The following NPEPPS variants were observed in gnomAD, a reference collection of about 807,000 sequenced individuals.
NPEPPS encodes the protein aminopeptidase puromycin sensitive, also known as puromycin-sensitive aminopeptidase.
In NPEPPS, 14 loss-of-function variants were observed where a neutral mutation model predicts 115.5. The observed-to-expected ratio is 0.12, with a 90% confidence interval of 0.08 to 0.19. The LOEUF is 0.19. Ranked by LOEUF, NPEPPS falls within the 10% of genes least tolerant of loss-of-function variation. NPEPPS has a pLI of 1.00. For synonymous variants in NPEPPS, 285 were observed against 390.6 expected (o/e 0.73, Z 3.19); for missense variants, 523 against 1,110.8 (o/e 0.47, Z 7.52).
At chr17:47,597,094 C>G (rs946954780) in intron 13 of NPEPPS, among the ~76,000 whole-genome samples, 4 of 151,230 alleles carry the variant, frequency 2.6e-5, no homozygotes, top group African/African-American at 9.7e-5. Context: ...ACTACATAAA[C>G]AGAATCAAAT....
rs190795420 is a variant in NPEPPS, at chr17:47,596,429, G to C, written c.1503G>C (p.Met501Ile). The C allele has an allele frequency of 4.1e-5, 65 of 1,592,058 alleles. 1 individual carries two copies. The African/African-American group carries it at 6.8e-4, about 17-fold the overall frequency. ...AAVMNTWTKQ[M>I]GFPLIYVEAE... The stretch of plus-strand genomic sequence containing the variant: ...TGATGAATACCTGGACCAAACAAAT[G>C]GGATTTCCCCTCATTTATGTGGAAG... The change falls in exon 13 of 23, where the codon ATG becomes ATC. Residue 501 changes from methionine to isoleucine, a missense_variant. By Grantham distance (10) the Met-to-Ile change is conservative. Around this residue, in one of 4 missense-constraint regions of NPEPPS, gnomAD observed 372 missense variants for 542.6 expected, o/e 0.69. Coordinates refer to ENST00000322157, the MANE Select transcript of NPEPPS (RefSeq NM_006310.4).
intron 2 of NPEPPS, among the ~76,000 whole-genome samples, chr17:47,560,947 A>G (rs1910386237): frequency 6.6e-6 from 1 of 152,238 alleles, no homozygotes; most frequent in Non-Finnish European, 1.5e-5. Context: ...AGGAAAATAC[A>G]TTCTGAGTTT....
At chr17:47,608,754 G>A (rs1274485854) in intron 17 of NPEPPS, among the ~76,000 whole-genome samples, 1 of 152,080 alleles carries the variant, frequency 6.6e-6, no homozygotes, top group East Asian at 1.9e-4. Context: ...AGGAGAGCCA[G>A]GAGAGAGGGG....
At chr17:47,593,805 A>G (rs1204173504) in intron 12 of NPEPPS, among the ~76,000 whole-genome samples, 1 of 152,186 alleles carries the variant, frequency 6.6e-6, no homozygotes, top group Non-Finnish European at 1.5e-5. Flanking sequence ...TTATAACACA[A>G]TGGTATTTGT....
chr17:47,575,226 ACCCTGCTTTT>A (rs1911442202), intron 3 of NPEPPS, among the ~76,000 whole-genome samples: 1 of 152,182 alleles, frequency 6.6e-6, no homozygotes, highest in South Asian at 2.1e-4. Flanking sequence ...TCAAAACTAT[ACCCTGCTTTT>A]GTAAGCATTT....
intron 5 of NPEPPS, 60 bp from the exon 6 acceptor site, chr17:47,585,440 A>G: frequency 8.1e-7 from 1 of 1,235,582 alleles, no homozygotes; most frequent in Non-Finnish European, 1.2e-6. Flanking sequence ...TTTGGCTGGT[A>G]TTTGCTCTAT....
At chr17:47,612,181 T>C (rs78871622) in intron 17 of NPEPPS, among the ~76,000 whole-genome samples, 38 of 152,254 alleles carry the variant, frequency 2.5e-4, no homozygotes, top group Middle Eastern at 3.4e-3. Flanking sequence ...CTTAGCAGAG[T>C]AGTTAACTAG....
At chr17:47,589,514 C>T (rs993476930) in intron 9 of NPEPPS, among the ~76,000 whole-genome samples, 1 of 152,150 alleles carries the variant, frequency 6.6e-6, no homozygotes, top group Non-Finnish European at 1.5e-5. Flanking sequence ...ATCTTCCTGC[C>T]TTGACCTCCC....
At chr17:47,529,462 T>C (rs1907574520), upstream of NPEPPS, among the ~76,000 whole-genome samples, 1 of 148,514 alleles carries the variant, frequency 6.7e-6, no homozygotes, top group African/African-American at 2.5e-5. Context: ...TGGAGTGTAG[T>C]GGCGTGATCT....
At chr17:47,550,274 G>A (rs1408009716) in intron 2 of NPEPPS, among the ~76,000 whole-genome samples, 3 of 150,248 alleles carry the variant, frequency 2.0e-5, no homozygotes, top group African/African-American at 7.3e-5. Flanking sequence ...GAAGAAAAAG[G>A]CCATTTTTTT....
intron 1 of NPEPPS, among the ~76,000 whole-genome samples, chr17:47,524,555 C>G (rs145732569): frequency 4.7e-4 from 71 of 151,494 alleles, no homozygotes; most frequent in African/African-American, 1.7e-3. Flanking sequence ...AGTGCAGTGG[C>G]GCGATCTTGG....
chr17:47,527,238 T>A (rs1326461971), upstream of NPEPPS, among the ~76,000 whole-genome samples: 4 of 152,148 alleles, frequency 2.6e-5, no homozygotes, highest in Non-Finnish European at 1.5e-5. Context: ...ATCCCAGCAC[T>A]TTGGGAGGCC....
In NPEPPS at chr17:47,596,456, T is replaced by A; in HGVS notation, c.1530T>A (p.Ala510=). 6.4e-7 allele frequency: 1 copy of A among 1,561,098 alleles called. No homozygotes were observed. The highest frequency in any genetic ancestry group is 8.7e-7 in the Non-Finnish European group (1 of 1,145,240). ...QMGFPLIYVE[A]EQVEDDRLLR... ...GATTTCCCCTCATTTATGTGGAAGCTGAACAGGTAAACATATAAAGTCTTT... is the reference window on the plus strand; with the variant it reads ...GATTTCCCCTCATTTATGTGGAAGCAGAACAGGTAAACATATAAAGTCTTT... The change falls in exon 13 of 23, where the codon GCT becomes GCA. Residue 510 remains alanine (A), a synonymous_variant. Transcript: ENST00000322157.
chr17:47,593,649 A>G (rs1439571812), intron 12 of NPEPPS, among the ~76,000 whole-genome samples: 5 of 152,222 alleles, frequency 3.3e-5, no homozygotes, highest in Admixed American at 1.3e-4. Flanking sequence ...AATTTCATCA[A>G]TATGTGAACA....
chr17:47,618,221 C>A, intron 19 of NPEPPS, 129 bp from the exon 20 acceptor site: 1 of 619,376 alleles, frequency 1.6e-6, no homozygotes, highest in Non-Finnish European at 2.9e-6. Context: ...TAATATAATG[C>A]CCTGCCATTC....
At chr17:47,542,575 A>G (rs913329693) in intron 1 of NPEPPS, among the ~76,000 whole-genome samples, 5 of 151,290 alleles carry the variant, frequency 3.3e-5, no homozygotes, top group African/African-American at 1.2e-4. Flanking sequence ...AAAAAATTGG[A>G]AGATCTGTCA....
intron 3 of NPEPPS, among the ~76,000 whole-genome samples, chr17:47,572,672 A>G (rs1295544975): frequency 2.0e-5 from 3 of 152,246 alleles, no homozygotes; most frequent in Non-Finnish European, 4.4e-5. Context: ...ACTTCTAAGC[A>G]GTAGAAAAAA....
intron 1 of NPEPPS, among the ~76,000 whole-genome samples, chr17:47,523,422 T>G (rs1025627037): frequency 2.0e-5 from 3 of 151,882 alleles, no homozygotes; most frequent in African/African-American, 7.3e-5. Context: ...AATAGGCTTT[T>G]TTTTTGTTTT....
intron 18 of NPEPPS, 60 bp downstream of exon 18, chr17:47,612,662 ACTT>A: frequency 7.0e-7 from 1 of 1,424,950 alleles, no homozygotes; most frequent in Non-Finnish European, 9.5e-7. Context: ...GAAGCATGGA[ACTT>A]TTTTTTTTTT....
Sources: gnomAD v4.1 joint callset for allele counts (sites outside exome capture counted in the v4.1 genomes callset) on GRCh38, gnomAD v4.1.1 for gene constraint, gnomAD v4.1.1 regional missense constraint, MANE v1.5 for transcripts, NCBI Gene and HGNC (gene_info 2026-07-23, HGNC 2026-07-21) for gene names.